Variants in CENPN observed in about 807,000 individuals in gnomAD.
CENPN encodes the protein interphase centromere complex protein 32.
Under a neutral mutation model 48.6 loss-of-function variants are expected in CENPN, and 36 were observed. That is an observed-to-expected ratio of 0.74 (90% CI 0.57 to 0.98). CENPN has a LOEUF of 0.98. CENPN is among the 50% of genes least tolerant of loss of function. The pLI, the probability that CENPN is intolerant of heterozygous loss-of-function variation, is 0.00. For missense variants in CENPN, 439 were observed against 399.2 expected (o/e 1.10, Z -0.85); for synonymous variants, 166 against 135.2 (o/e 1.23, Z -1.58).
intron 8 of CENPN, among the ~76,000 whole-genome samples, chr16:81,026,195 G>GTA (rs557995955): frequency 2.1e-5 from 3 of 144,302 alleles, no homozygotes; most frequent in Non-Finnish European, 4.5e-5. Flanking sequence ...GTATATATAT[G>GTA]TATATATATG....
At chr16:81,024,238 T>TA (rs770265800) in intron 7 of CENPN, 169 of 128,980 alleles carry the variant, frequency 1.3e-3, no homozygotes, top group South Asian at 2.8e-3. Context: ...AGATATTGTC[T>TA]AAAAAAAAAA....
intron 8 of CENPN, among the ~76,000 whole-genome samples, chr16:81,025,725 CAG>C (rs1970439362): frequency 7.7e-6 from 1 of 129,298 alleles, no homozygotes; most frequent in East Asian, 2.4e-4. Flanking sequence ...TTTTTTAAGA[CAG>C]AGTCTCACTC....
chr16:81,028,746 G>A lies in CENPN; in HGVS notation c.*95G>A. ...CTGTATAGCTTCCGTCTGTAAACTT[G>A]TATTTTCAAGAATCCTTGGTATTGA... is the stretch of plus-strand genomic sequence containing the variant. On this transcript the variant is annotated 3_prime_UTR_variant, in exon 11 of 11. Coordinates refer to ENST00000305850, the MANE Select transcript of CENPN (RefSeq NM_001100624.3). 6.7e-7 allele frequency: 1 copy of A among 1,492,266 alleles called. No individual in the cohort carries two copies. The highest frequency in any genetic ancestry group is 1.4e-5 in the South Asian group (1 of 70,214). The allele number at this position is 1,492,266 out of a possible 1,614,324, so 92.4% of individuals were successfully genotyped here. A position where few individuals can be genotyped will look rare whatever the true frequency, so the allele number is the denominator to read the frequency against.
intron 8 of CENPN, among the ~76,000 whole-genome samples, chr16:81,026,145 A>G (rs868583310): frequency 0.015 from 2,085 of 141,980 alleles, 45 homozygotes; most frequent in African/African-American, 0.054. Context: ...ATATATATGT[A>G]TATATATATG....
At chr16:81,010,676 A>T (rs1175977326) in intron 1 of CENPN, among the ~76,000 whole-genome samples, 1 of 152,186 alleles carries the variant, frequency 6.6e-6, no homozygotes. Context: ...TAACAGATTC[A>T]GAACAGAATT....
chr16:81,007,286 G>T lies in CENPN; in HGVS notation c.-11+9G>T, dbSNP rs1392223727. 6.5e-6 allele frequency: 1 copy of T among 153,830 alleles called. No individual in the cohort carries two copies. Among genetic ancestry groups the T allele is most frequent in the Admixed American group, 6.5e-5 (1 of 15,292 alleles). The allele number at this position is 153,830 out of a possible 1,614,324, so 9.5% of individuals were successfully genotyped here. The stretch of plus-strand genomic sequence containing the variant: ...GCAGGAGATGTGGGCCGGTAAGAGA[G>T]CCCCGGGCGGCACTGGATCGGGCCC... On this transcript the variant is annotated intron_variant, in intron 1 of 10. Transcript: ENST00000305850.
At chr16:81,010,619 C>T (rs1249261752) in intron 1 of CENPN, among the ~76,000 whole-genome samples, 2 of 152,186 alleles carry the variant, frequency 1.3e-5, no homozygotes. Context: ...ACAGATCCAG[C>T]TGTTTATTCG....
chr16:81,032,700 T>A, downstream of CENPN: 1 of 1,598,572 alleles, frequency 6.3e-7, no homozygotes, highest in Non-Finnish European at 8.5e-7. Context: ...GTTAAAATCA[T>A]GATGTCACAA....
intron 1 of CENPN, among the ~76,000 whole-genome samples, chr16:81,011,315 T>C (rs1334599791): frequency 1.3e-5 from 2 of 152,196 alleles, no homozygotes; most frequent in Non-Finnish European, 2.9e-5. Flanking sequence ...ATTATTCCAT[T>C]TTCTCCGGCA....
At chr16:81,020,534 C>T in intron 6 of CENPN, 1 of 317,718 alleles carries the variant, frequency 3.1e-6, no homozygotes, top group East Asian at 5.3e-5. Context: ...TAGAATACCA[C>T]ATGTAATTCT....
intron 3 of CENPN, chr16:81,016,954 G>T (rs1016230416): frequency 7.4e-5 from 18 of 243,394 alleles, no homozygotes; most frequent in African/African-American, 9.5e-5. Context: ...AGGAGAAGAG[G>T]CTCCAGGCAG....
chr16:81,022,954 C>G, intron 7 of CENPN: 2 of 1,340,576 alleles, frequency 1.5e-6, no homozygotes, highest in Non-Finnish European at 1.0e-6. Context: ...TCCAAATCAC[C>G]TGATCACACT....
At chr16:81,024,664 C>A in intron 7 of CENPN, 51 bp from the exon 8 acceptor site, 1 of 1,195,940 alleles carries the variant, frequency 8.4e-7, no homozygotes, top group African/African-American at 1.5e-5. Flanking sequence ...AAATTAATAT[C>A]TGTACTTCAA....
chr16:81,021,255 T>C (rs181438942), intron 6 of CENPN, among the ~76,000 whole-genome samples: 1 of 152,356 alleles, frequency 6.6e-6, no homozygotes, highest in East Asian at 1.9e-4. Flanking sequence ...ACATAAGATG[T>C]AGCCTCTGTT....
chr16:81,020,204 G>A lies in CENPN; in HGVS notation c.459G>A (p.Val153=), dbSNP rs1223054795. ...ACCAGTACAAACCTACCTACGTGGT[G>A]TACTACTCCCAGACTCCGTACGCCT... is the stretch of plus-strand genomic sequence containing the variant. The part of the protein sequence containing the change: ...KPNQYKPTYV[V]YYSQTPYAFT... The change falls in exon 6 of 11, where the codon GTG becomes GTA. Residue 153 remains valine (V), a synonymous_variant. Coordinates refer to ENST00000305850, the MANE Select transcript of CENPN (RefSeq NM_001100624.3). The A allele has an allele frequency of 3.7e-6, 6 of 1,613,856 alleles. No homozygotes were observed. Among genetic ancestry groups the A allele is most frequent in the East Asian group, 2.2e-5 (1 of 44,896 alleles).
intron 2 of CENPN, among the ~76,000 whole-genome samples, chr16:81,012,425 C>T (rs1252795420): frequency 6.6e-6 from 1 of 152,084 alleles, no homozygotes; most frequent in Admixed American, 6.5e-5. Context: ...GACAACAACA[C>T]CCAGATGTAT....
At chr16:81,021,818 G>A (rs565362471) in intron 6 of CENPN, among the ~76,000 whole-genome samples, 7 of 151,560 alleles carry the variant, frequency 4.6e-5, no homozygotes, top group East Asian at 1.9e-4. Context: ...GCAGTGGGGC[G>A]ATCTTGGCTC....
chr16:81,019,937 A>G (rs542422170), intron 5 of CENPN, among the ~76,000 whole-genome samples, 163 bp from the exon 6 acceptor site: 5 of 151,998 alleles, frequency 3.3e-5, no homozygotes, highest in East Asian at 1.9e-4. Flanking sequence ...TGTTTTCCCA[A>G]AGATTCTCAA....
chr16:81,018,742 G>C (rs555414573), intron 5 of CENPN, among the ~76,000 whole-genome samples: 1 of 152,158 alleles, frequency 6.6e-6, no homozygotes, highest in African/African-American at 2.4e-5. Context: ...CCCTGGACTG[G>C]GGAGACTTTC....
Sources: allele counts gnomAD v4.1 joint callset (sites outside exome capture counted in the v4.1 genomes callset), GRCh38; gene constraint gnomAD v4.1.1; transcripts MANE v1.5; gene names NCBI Gene and HGNC (gene_info 2026-07-23, HGNC 2026-07-21).